The following PASD1 variants were observed in gnomAD, a reference collection of about 807,000 sequenced individuals.
The protein encoded by PASD1 is PAS domain containing repressor 1.
PASD1 carries 13 observed loss-of-function variants against 58.8 expected under a neutral mutation model. That is an observed-to-expected ratio of 0.22 (90% CI 0.14 to 0.35). PASD1 has a LOEUF of 0.35. Ranked by LOEUF, PASD1 falls within the 10% of genes least tolerant of loss-of-function variation. The pLI is 1.00. For synonymous variants in PASD1, 236 were observed against 216.7 expected, an observed-to-expected ratio of 1.09 and a Z score of -0.78; for missense variants, 734 against 568.3, an observed-to-expected ratio of 1.29 and a Z score of -2.96.
intron 15 of PASD1, among the ~76,000 whole-genome samples, chrX:151,675,652 A>T (rs1452019774): frequency 8.9e-6 from 1 of 111,994 alleles, no homozygotes; most frequent in East Asian, 2.9e-4. Flanking sequence ...TCAGCATGGA[A>T]ATGACTGAGC....
chrX:151,635,690 A>C (rs1161062145), intron 8 of PASD1, among the ~76,000 whole-genome samples: 1 of 112,293 alleles, frequency 8.9e-6, no homozygotes, highest in Non-Finnish European at 1.9e-5. Context: ...TAGTATTTAC[A>C]TTTGTAAAGT....
intron 9 of PASD1, among the ~76,000 whole-genome samples, chrX:151,655,123 G>C (rs1167835751): frequency 1.8e-5 from 2 of 111,591 alleles, no homozygotes; most frequent in African/African-American, 6.5e-5. Flanking sequence ...TTGTCCTTGT[G>C]ATAGTTTGCT....
intron 6 of PASD1, among the ~76,000 whole-genome samples, chrX:151,621,950 T>C (rs998265372): frequency 9.1e-6 from 1 of 109,931 alleles, no homozygotes; most frequent in African/African-American, 3.3e-5. Context: ...CAGCTGATTT[T>C]GTGGTGGCCT....
At chrX:151,587,039 G>C (rs1602911388) in intron 1 of PASD1, among the ~76,000 whole-genome samples, 2 of 111,570 alleles carry the variant, frequency 1.8e-5, no homozygotes, top group Non-Finnish European at 3.8e-5. Context: ...AGAAATTTTT[G>C]CTGGACCATC....
At chrX:151,577,740 A>T (rs897831113) in intron 1 of PASD1, among the ~76,000 whole-genome samples, 4 of 110,952 alleles carry the variant, frequency 3.6e-5, no homozygotes, top group African/African-American at 1.3e-4. Flanking sequence ...GTTAGCCAGG[A>T]TGGTCTCGAT....
intron 3 of PASD1, among the ~76,000 whole-genome samples, chrX:151,608,923 A>G (rs955701380): frequency 9.0e-6 from 1 of 111,192 alleles, no homozygotes; most frequent in Admixed American, 9.5e-5. Context: ...CACTCCTAAT[A>G]TTGTTTGTGT....
At chrX:151,653,078 TC>T (rs749507448) in intron 9 of PASD1, among the ~76,000 whole-genome samples, 1 of 110,174 alleles carries the variant, frequency 9.1e-6, no homozygotes, top group East Asian at 2.8e-4. Flanking sequence ...TAGGAGGCTA[TC>T]CCAGCAGTCC....
intron 8 of PASD1, among the ~76,000 whole-genome samples, chrX:151,633,047 C>G (rs2013888315): frequency 8.9e-6 from 1 of 111,950 alleles, no homozygotes; most frequent in Non-Finnish European, 1.9e-5. Flanking sequence ...ACATAGCAGA[C>G]AGTCATGATC....
At chrX:151,625,631 A>T in intron 8 of PASD1, 101 bp downstream of exon 8, 2 of 673,901 alleles carry the variant, frequency 3.0e-6, no homozygotes, top group Non-Finnish European at 4.4e-6. Context: ...TTTTTTTCCC[A>T]TCAAAATGAA....
At chrX:151,583,343 A>G (rs1025942479) in intron 1 of PASD1, among the ~76,000 whole-genome samples, 1 of 112,130 alleles carries the variant, frequency 8.9e-6, no homozygotes, top group African/African-American at 3.2e-5. Flanking sequence ...AAAATCTTAT[A>G]CTTTTCTACT....
At chrX:151,606,458 T>C (rs2013490246) in intron 3 of PASD1, among the ~76,000 whole-genome samples, 1 of 111,715 alleles carries the variant, frequency 9.0e-6, no homozygotes, top group Non-Finnish European at 1.9e-5. Context: ...TCCTTCCTGT[T>C]TGCCATACTG....
rs2014549658 is a variant in PASD1, at chrX:151,676,577, C to G, written c.*434C>G. ...GTCTTAGCCACAAGAATTCCGAGGT[C>G]TTGACCCTGATGATCAACCTGCCTC... is the stretch of plus-strand genomic sequence containing the variant. On this transcript the variant is annotated 3_prime_UTR_variant, in exon 16 of 16. Coordinates refer to ENST00000370357, the MANE Select transcript of PASD1 (RefSeq NM_173493.3). 1 of 117,224 alleles carries G rather than the reference C, an allele frequency of 8.5e-6. No homozygotes were observed. Among genetic ancestry groups the G allele is most frequent in the Non-Finnish European group, 1.8e-5 (1 of 55,864 alleles). 9.7% of individuals were successfully genotyped at this position (117,224 alleles called of 1,213,427 possible).
intron 13 of PASD1, 134 bp from the exon 14 acceptor site, chrX:151,672,049 A>G (rs771233416): frequency 4.1e-5 from 41 of 1,004,306 alleles, no homozygotes; most frequent in Non-Finnish European, 4.9e-5. Context: ...AGACAGTCAC[A>G]CAGATCACTA....
chrX:151,589,936 A>G (rs2013222529), intron 1 of PASD1, among the ~76,000 whole-genome samples: 1 of 112,636 alleles, frequency 8.9e-6, no homozygotes, highest in African/African-American at 3.2e-5. Flanking sequence ...GGGTTCATAT[A>G]GCACATACAA....
chrX:151,621,633 G>A, intron 6 of PASD1, 41 bp downstream of exon 6: 1 of 952,571 alleles, frequency 1.0e-6, no homozygotes, highest in South Asian at 2.4e-5. Context: ...ACATTTATGA[G>A]TCATGTAGCC....
intron 1 of PASD1, among the ~76,000 whole-genome samples, chrX:151,569,686 C>T (rs1201472892): frequency 9.0e-6 from 1 of 110,800 alleles, no homozygotes. Context: ...CAGAGCTTCA[C>T]GTTAATGGGC....
chrX:151,671,125 A>G lies in PASD1; in HGVS notation c.1159A>G (p.Arg387Gly). 1.7e-6 allele frequency: 2 copies of G among 1,211,894 alleles called. No individual in the cohort carries two copies. Among genetic ancestry groups the G allele is most frequent in the Non-Finnish European group, 1.1e-6 (1 of 895,460 alleles). ...GAAGTTGAAGGAGCAGCTAGAAGAG[A>G]GGACTTGGTTGCTGCATGATGCCAT... ...MKKLKEQLEE[R>G]TWLLHDAIQN... Residue 387 changes from arginine (R) to glycine (G), a missense_variant, in exon 12 of 16, where the codon AGG (arginine) becomes GGG (glycine). Arg to Gly is a moderately radical substitution (Grantham distance 125). Transcript: ENST00000370357.
At chrX:151,584,431 G>A (rs927723499) in intron 1 of PASD1, among the ~76,000 whole-genome samples, 1 of 111,939 alleles carries the variant, frequency 8.9e-6, no homozygotes, top group Admixed American at 9.5e-5. Flanking sequence ...TCCAGCTACT[G>A]TAACTAGCCG....
At chrX:151,625,639 G>C in intron 8 of PASD1, 109 bp downstream of exon 8, 1 of 643,222 alleles carries the variant, frequency 1.6e-6, no homozygotes, top group Non-Finnish European at 2.3e-6. Flanking sequence ...CCATCAAAAT[G>C]AAAATGAAAA....
Sources: gnomAD v4.1 joint callset for allele counts (sites outside exome capture counted in the v4.1 genomes callset) on GRCh38, gnomAD v4.1.1 for gene constraint, MANE v1.5 for transcripts, NCBI Gene and HGNC (gene_info 2026-07-23, HGNC 2026-07-21) for gene names.